XKR9: variants seen among roughly 807,000 people sequenced by gnomAD.
XKR9 encodes XK-related protein 9.
A neutral mutation model predicts 32.0 loss-of-function variants in XKR9; 32 were observed. That is an observed-to-expected ratio of 1.00 (90% CI 0.76 to 1.34). XKR9 has a LOEUF of 1.34. XKR9 is among the 40% of genes most tolerant of loss of function. The pLI, the probability that XKR9 is intolerant of heterozygous loss-of-function variation, is 0.00. For missense variants in XKR9, 546 were observed against 429.7 expected (o/e 1.27, Z -2.39); for synonymous variants, 168 against 143.4 (o/e 1.17, Z -1.22).
chr8:70,877,736 C>T, the XKR9 span, among the ~76,000 whole-genome samples: 1 of 152,174 alleles, frequency 6.6e-6, no homozygotes, highest in Non-Finnish European at 1.5e-5. Context: ...GGAAAACACT[C>T]TGCAGGATAT....
chr8:70,888,491 G>T, the XKR9 span, among the ~76,000 whole-genome samples: 3 of 151,506 alleles, frequency 2.0e-5, no homozygotes, highest in African/African-American at 7.3e-5. Context: ...TGCTTTTGTT[G>T]CCTGTGCTTT....
chr8:70,732,822 T>A (rs1806716832), intron 4 of XKR9, among the ~76,000 whole-genome samples: 1 of 152,200 alleles, frequency 6.6e-6, no homozygotes, highest in South Asian at 2.1e-4. Flanking sequence ...AATCATATTA[T>A]ATAGAAAGTG....
Position 70,735,209 on chromosome 8 carries a change from T to C in XKR9, c.*785T>C, listed in dbSNP as rs1423726942. ...TGTGCAACAGATCTCAAGGACTTTT[T>C]CACCTTGTAAAACTAAGATTCTCTA... is the stretch of plus-strand genomic sequence containing the variant. On this transcript the variant is annotated 3_prime_UTR_variant, in exon 5 of 5. Coordinates refer to ENST00000408926, the MANE Select transcript of XKR9 (RefSeq NM_001011720.2). 8 of 151,966 alleles carry C rather than the reference T, an allele frequency of 5.3e-5. No homozygotes were observed. The highest frequency in any genetic ancestry group is 1.0e-4 in the Non-Finnish European group (7 of 67,990). The allele number at this position is 151,966 out of a possible 1,614,324, so 9.4% of individuals were successfully genotyped here.
the XKR9 span, among the ~76,000 whole-genome samples, chr8:71,023,439 T>G: frequency 6.6e-6 from 1 of 152,244 alleles, no homozygotes; most frequent in Non-Finnish European, 1.5e-5. Flanking sequence ...AAGGCTGTAG[T>G]GAGGTTTTAC....
At chr8:70,882,085 G>A in the XKR9 span, among the ~76,000 whole-genome samples, 3 of 152,196 alleles carry the variant, frequency 2.0e-5, no homozygotes, top group East Asian at 3.9e-4. Context: ...GACACAGGGC[G>A]GGGAACATCA....
At chr8:70,865,294 G>T in the XKR9 span, among the ~76,000 whole-genome samples, 1 of 151,190 alleles carries the variant, frequency 6.6e-6, no homozygotes, top group Non-Finnish European at 1.5e-5. Context: ...TAAAGGAAGA[G>T]GAAAAGTTAA....
intron 4 of XKR9, among the ~76,000 whole-genome samples, chr8:70,732,071 A>T (rs548382357): frequency 6.6e-6 from 1 of 152,312 alleles, no homozygotes; most frequent in African/African-American, 2.4e-5. Flanking sequence ...GAACTGAGAC[A>T]GACACCCCAC....
At chr8:70,681,668 A>G (rs941729115) in intron 3 of XKR9, among the ~76,000 whole-genome samples, 3 of 152,222 alleles carry the variant, frequency 2.0e-5, no homozygotes, top group Non-Finnish European at 4.4e-5. Context: ...TTCACTTGTA[A>G]CTGAGAGAGT....
the XKR9 span, among the ~76,000 whole-genome samples, chr8:70,957,509 T>A: frequency 3.6e-3 from 554 of 152,280 alleles, 3 homozygotes; most frequent in African/African-American, 0.013. Flanking sequence ...ATCCATTAAC[T>A]ATTCTTCCTG....
At position 70,733,849 on chromosome 8, in the gene XKR9, C is replaced by T. The variant is rs115507207; in HGVS notation, c.547C>T (p.Gln183Ter). 1.3e-3 allele frequency: 2,057 copies of T among 1,605,128 alleles called. 67 individuals carry two copies. The East Asian group carries it at 0.034, about 26-fold the overall frequency. The change falls in exon 5 of 5, where the codon CAA becomes TAA. Residue 183 changes from glutamine (Q) to a stop codon, truncating the protein, a stop_gained. Coordinates refer to ENST00000408926, the MANE Select transcript of XKR9 (RefSeq NM_001011720.2). LOFTEE classifies it high-confidence loss of function. ...TATTTCTTGGTCAACTGTTGATTAT[C>T]AAGTAGCTTTAAGAAAATCCTTGCC... ...CAISWSTVDY[Q>*]VALRKSLPDK...
chr8:71,029,881 G>A, the XKR9 span, among the ~76,000 whole-genome samples: 1 of 151,766 alleles, frequency 6.6e-6, no homozygotes, highest in Non-Finnish European at 1.5e-5. Flanking sequence ...ATTTTTATGA[G>A]GTGTAAAATC....
chr8:70,816,961 G>T, the XKR9 span, among the ~76,000 whole-genome samples: 1 of 151,974 alleles, frequency 6.6e-6, no homozygotes, highest in Non-Finnish European at 1.5e-5. Flanking sequence ...GGGCATTGAA[G>T]GAACATATCT....
At chr8:70,691,427 T>C (rs925155693) in intron 3 of XKR9, among the ~76,000 whole-genome samples, 1 of 152,222 alleles carries the variant, frequency 6.6e-6, no homozygotes, top group Non-Finnish European at 1.5e-5. Context: ...TAGATCTCAT[T>C]TGTCAATTTT....
chr8:70,748,524 C>G (rs1807090027), intron 2 of XKR9, among the ~76,000 whole-genome samples: 1 of 152,334 alleles, frequency 6.6e-6, no homozygotes, highest in African/African-American at 2.4e-5. Context: ...TCCCTCTAGA[C>G]TTTGGGTACT....
At chr8:71,013,073 A>T in the XKR9 span, among the ~76,000 whole-genome samples, 64,942 of 151,910 alleles carry the variant, frequency 0.43, 15,021 homozygotes, top group Non-Finnish European at 0.52. Flanking sequence ...TCATAAAGTG[A>T]GTGTTGTAAT....
the XKR9 span, among the ~76,000 whole-genome samples, chr8:70,815,613 C>T: frequency 1.3e-5 from 2 of 151,964 alleles, no homozygotes; most frequent in East Asian, 1.9e-4. Context: ...GCAAGCTCCG[C>T]CTCCCGGGTT....
At chr8:70,753,884 C>A (rs1008688454) in intron 2 of XKR9, among the ~76,000 whole-genome samples, 2 of 148,096 alleles carry the variant, frequency 1.4e-5, no homozygotes, top group African/African-American at 4.9e-5. Context: ...CTCACCACTC[C>A]TATTCAACAT....
At chr8:70,981,367 TG>T in the XKR9 span, among the ~76,000 whole-genome samples, 3 of 152,148 alleles carry the variant, frequency 2.0e-5, no homozygotes, top group Admixed American at 2.0e-4. Flanking sequence ...TTTAACAGAC[TG>T]GATTAATTGA....
chr8:70,685,784 A>T (rs1563421574), intron 3 of XKR9, among the ~76,000 whole-genome samples: 3 of 148,976 alleles, frequency 2.0e-5, no homozygotes, highest in Non-Finnish European at 4.5e-5. Context: ...ACCTAATGCT[A>T]AATGATGAGT....
Sources: allele counts gnomAD v4.1 joint callset (sites outside exome capture counted in the v4.1 genomes callset), GRCh38; gene constraint gnomAD v4.1.1; transcripts MANE v1.5; gene names NCBI Gene and HGNC (gene_info 2026-07-23, HGNC 2026-07-21).